Variants in GSE1 observed in about 807,000 individuals in gnomAD.
GSE1 encodes the protein genetic suppressor element 1.
GSE1 carries 32 observed loss-of-function variants against 112.6 expected under a neutral mutation model. The observed-to-expected ratio is 0.28, with a 90% CI of 0.21 to 0.38. GSE1 has a LOEUF of 0.38. GSE1 is among the 10% of genes least tolerant of loss of function. The pLI, the probability that GSE1 is intolerant of heterozygous loss-of-function variation, is 1.00. For synonymous variants in GSE1, 1,115 were observed against 735.6 expected (o/e 1.52, Z -8.35); for missense variants, 2,348 against 1,699.2 (o/e 1.38, Z -6.71).
intron 2 of GSE1, among the ~76,000 whole-genome samples, chr16:85,396,338 G>T (rs1416219120): frequency 6.6e-6 from 1 of 152,252 alleles, no homozygotes; most frequent in Non-Finnish European, 1.5e-5. Context: ...GAAATATTAG[G>T]CCGTGGCCCA....
At chr16:85,514,045 G>A (rs1030117617) in intron 2 of GSE1, among the ~76,000 whole-genome samples, 3 of 152,052 alleles carry the variant, frequency 2.0e-5, no homozygotes, top group Admixed American at 1.3e-4. Context: ...CAGGCTCCCC[G>A]GGTGATTCCA....
Position 85,657,477 on chromosome 16 carries a change from C to G in GSE1, c.1513C>G (p.Arg505Gly). ...EKWLARQRRL[R>G]QEKEDRQSQV... ...GTGGCTGGCGCGGCAGCGGCGGCTG[C>G]GGCAGGAGAAGGAGGACCGGCAGTC... Residue 505 changes from arginine to glycine, a missense_variant, in exon 8 of 16, where the codon CGG becomes GGG. Arg to Gly is a moderately radical substitution (Grantham distance 125). Transcript: ENST00000253458. 1 of 1,607,322 alleles carries G rather than the reference C, an allele frequency of 6.2e-7. No homozygotes were observed. Among genetic ancestry groups the G allele is most frequent in the Non-Finnish European group, 8.5e-7 (1 of 1,177,526 alleles).
At chr16:85,374,404 C>G (rs895093266) in intron 2 of GSE1, among the ~76,000 whole-genome samples, 54 of 151,528 alleles carry the variant, frequency 3.6e-4, no homozygotes, top group African/African-American at 1.3e-3. Context: ...GTGTGTGGCC[C>G]TCCGTGTGCA....
chr16:85,264,019 C>T (rs1369051030), intron 1 of GSE1, among the ~76,000 whole-genome samples: 1 of 152,092 alleles, frequency 6.6e-6, no homozygotes, highest in Non-Finnish European at 1.5e-5. Flanking sequence ...GAGGCAGGGA[C>T]CTCTCTCCCC....
At chr16:85,273,497 C>T (rs577387451) in intron 1 of GSE1, among the ~76,000 whole-genome samples, 1 of 152,230 alleles carries the variant, frequency 6.6e-6, no homozygotes. Flanking sequence ...AGTGCAGATC[C>T]ATGGTGCAGC....
chr16:85,273,029 G>A (rs2144195554), intron 1 of GSE1, among the ~76,000 whole-genome samples: 1 of 152,292 alleles, frequency 6.6e-6, no homozygotes, highest in East Asian at 1.9e-4. Context: ...GCCCGCCTCG[G>A]CCTCCCACAG....
intron 2 of GSE1, among the ~76,000 whole-genome samples, chr16:85,379,563 C>G (rs984119455): frequency 6.6e-5 from 10 of 152,210 alleles, no homozygotes; most frequent in Admixed American, 6.5e-5. Flanking sequence ...CCTGGGACCC[C>G]TGGGTTCTCA....
At chr16:85,557,532 T>C (rs891859627) in intron 1 of GSE1, among the ~76,000 whole-genome samples, 1 of 150,512 alleles carries the variant, frequency 6.6e-6, no homozygotes, top group Non-Finnish European at 1.5e-5. Context: ...ATTGTTTTGC[T>C]GGGGAAGGGT....
At chr16:85,392,175 G>A (rs2047854105) in intron 2 of GSE1, among the ~76,000 whole-genome samples, 1 of 152,030 alleles carries the variant, frequency 6.6e-6, no homozygotes, top group Non-Finnish European at 1.5e-5. Flanking sequence ...CCCAAATGAA[G>A]GCAATATAAA....
intron 2 of GSE1, among the ~76,000 whole-genome samples, chr16:85,403,095 G>GC (rs956860110): frequency 4.6e-5 from 7 of 151,806 alleles, no homozygotes; most frequent in African/African-American, 9.6e-5. Context: ...GGTTGCTGGG[G>GC]GGGGACTCAG....
rs780036128 is a variant in GSE1, at chr16:85,665,079, C to T, written c.2709C>T (p.Ala903=). ...MKQKALSAAV[A]DSLTNSPRDS... ...AGAAGGCACTGTCAGCAGCAGTGGC[C>T]GACTCCTTGACAAACTCTCCGAGGG... is the stretch of plus-strand genomic sequence containing the variant. Residue 903 remains alanine, a synonymous_variant, in exon 12 of 16, where the codon GCC becomes GCT. Transcript: ENST00000253458. The T allele has an allele frequency of 9.3e-6, 15 of 1,612,602 alleles. No homozygotes were observed. Among genetic ancestry groups the T allele is most frequent in the East Asian group, 2.2e-5 (1 of 44,872 alleles).
intron 1 of GSE1, among the ~76,000 whole-genome samples, chr16:85,353,742 A>G (rs558846286): frequency 1.3e-5 from 2 of 152,334 alleles, no homozygotes; most frequent in East Asian, 1.9e-4. Context: ...GTGGGGCTCA[A>G]TTCCATCAAG....
intron 1 of GSE1, among the ~76,000 whole-genome samples, chr16:85,225,453 G>C (rs571576870): frequency 3.9e-5 from 6 of 152,322 alleles, no homozygotes; most frequent in East Asian, 1.9e-4. Flanking sequence ...GGGGCTTTGT[G>C]GGGGGTAGGG....
At chr16:85,621,238 G>A (rs761778230) in intron 1 of GSE1, among the ~76,000 whole-genome samples, 5 of 152,006 alleles carry the variant, frequency 3.3e-5, no homozygotes, top group African/African-American at 7.2e-5. Flanking sequence ...TGGGGAACCC[G>A]TTTAGATGGT....
chr16:85,612,124 C>T (rs925916856), upstream of GSE1, among the ~76,000 whole-genome samples: 3 of 151,682 alleles, frequency 2.0e-5, no homozygotes, highest in Non-Finnish European at 4.4e-5. Context: ...CAGAGCCGCC[C>T]GGGGGGGTTA....
intron 1 of GSE1, among the ~76,000 whole-genome samples, chr16:85,320,044 A>G (rs376274862): frequency 8.5e-5 from 13 of 152,208 alleles, no homozygotes; most frequent in African/African-American, 3.1e-4. Context: ...AGGTTCTCAG[A>G]TGGATAATGA....
intron 2 of GSE1, among the ~76,000 whole-genome samples, chr16:85,449,864 C>T (rs55994351): frequency 0.29 from 43,471 of 152,176 alleles, 7,248 homozygotes; most frequent in South Asian, 0.41. Context: ...CATCATTTCC[C>T]TGGTGGGGAA....
chr16:85,429,642 C>T (rs1192378691), intron 2 of GSE1, among the ~76,000 whole-genome samples: 1 of 152,220 alleles, frequency 6.6e-6, no homozygotes, highest in African/African-American at 2.4e-5. Flanking sequence ...CAAGATCTCC[C>T]TTGCTGGCTC....
chr16:85,509,733 C>T (rs1212171849), intron 2 of GSE1, among the ~76,000 whole-genome samples: 1 of 152,220 alleles, frequency 6.6e-6, no homozygotes, highest in African/African-American at 2.4e-5. Flanking sequence ...ACCTCGGCTG[C>T]CTGCCTTCTC....
Sources: allele counts gnomAD v4.1 joint callset (sites outside exome capture counted in the v4.1 genomes callset), GRCh38; gene constraint gnomAD v4.1.1; transcripts MANE v1.5; gene names NCBI Gene and HGNC (gene_info 2026-07-23, HGNC 2026-07-21).